RGS6: variants seen among roughly 807,000 people sequenced by gnomAD.
RGS6 encodes the protein regulator of G-protein signaling 6.
Under a neutral mutation model 78.5 loss-of-function variants are expected in RGS6, and 30 were observed. The observed-to-expected ratio is 0.38, with a 90% CI of 0.29 to 0.52. RGS6 has a LOEUF of 0.52. Among genes scored for constraint, RGS6 ranks in the 20% least tolerant of loss-of-function variants. The probability of loss-of-function intolerance (pLI) is 0.85; values close to 1 mark genes in which losing one functional copy is unlikely to be tolerated. For synonymous variants in RGS6, 206 were observed against 206.0 expected (o/e 1.00, Z 0.00); for missense variants, 495 against 609.7 (o/e 0.81, Z 1.98).
chr14:72,572,788 A>T, the RGS6 span, among the ~76,000 whole-genome samples: 1 of 152,214 alleles, frequency 6.6e-6, no homozygotes, highest in Non-Finnish European at 1.5e-5. Context: ...TACATACTTT[A>T]AACAAATAAA....
At chr14:72,233,083 C>T (rs966627666) in intron 2 of RGS6, among the ~76,000 whole-genome samples, 1 of 152,260 alleles carries the variant, frequency 6.6e-6, no homozygotes, top group Admixed American at 6.5e-5. Flanking sequence ...TGAATGTATA[C>T]CAGGTGTAAC....
intron 2 of RGS6, among the ~76,000 whole-genome samples, chr14:72,341,078 C>T (rs969098588): frequency 6.6e-6 from 1 of 152,096 alleles, no homozygotes; most frequent in African/African-American, 2.4e-5. Flanking sequence ...CATTCTCACA[C>T]TACTATAAAG....
chr14:72,150,347 C>A (rs1329240230), intron 2 of RGS6, among the ~76,000 whole-genome samples: 1 of 152,050 alleles, frequency 6.6e-6, no homozygotes, highest in Admixed American at 6.6e-5. Context: ...CCTGTCAACA[C>A]CTTGATTCCA....
intron 2 of RGS6, among the ~76,000 whole-genome samples, chr14:72,345,696 G>A (rs1047743537): frequency 6.6e-6 from 1 of 152,156 alleles, no homozygotes; most frequent in Non-Finnish European, 1.5e-5. Flanking sequence ...AGTCCATGAG[G>A]AAGGAGAACA....
chr14:72,304,350 A>G (rs860195), intron 2 of RGS6, among the ~76,000 whole-genome samples: 91,952 of 152,086 alleles, frequency 0.6, 28,432 homozygotes, highest in African/African-American at 0.73. Context: ...CCATATTACC[A>G]CATAGAGCAA....
In RGS6 at chr14:72,398,574, C is replaced by T. The variant is rs566852553; in HGVS notation, c.184+46380C>T. Among the ~76,000 whole-genome samples the T allele has an allele frequency of 7.8e-4, 118 of 152,074 alleles. 1 individual carries two copies. The highest frequency in any genetic ancestry group is 2.5e-3 in the African/African-American group (105 of 41,494). On this transcript the variant is annotated intron_variant, in intron 3 of 17. Coordinates refer to ENST00000553525, the MANE Select transcript of RGS6 (RefSeq NM_001204424.2). ...CCTTCAGTTCTGTTCTGATCTTAGT[C>T]ATTTCTTGCCTTCTGCTAGCTTTTG...
At chr14:72,414,447 A>G (rs1457599207) in intron 3 of RGS6, among the ~76,000 whole-genome samples, 1 of 152,020 alleles carries the variant, frequency 6.6e-6, no homozygotes, top group African/African-American at 2.4e-5. Context: ...TGCATTGGTT[A>G]TTCTAGTTAG....
chr14:72,239,330 A>C (rs987908824), intron 2 of RGS6, among the ~76,000 whole-genome samples: 18 of 152,200 alleles, frequency 1.2e-4, no homozygotes, highest in African/African-American at 4.3e-4. Context: ...TGGAAGTCAT[A>C]CTTTGCCATT....
At chr14:72,183,114 G>A (rs2097195764) in intron 2 of RGS6, among the ~76,000 whole-genome samples, 1 of 152,168 alleles carries the variant, frequency 6.6e-6, no homozygotes, top group Non-Finnish European at 1.5e-5. Flanking sequence ...TTAATTGCAG[G>A]TTTAAAAGCC....
At chr14:71,890,194 G>A in the RGS6 span, among the ~76,000 whole-genome samples, 4 of 152,142 alleles carry the variant, frequency 2.6e-5, no homozygotes, top group Non-Finnish European at 5.9e-5. Context: ...TCTGCCTTGA[G>A]CAGATCAAAG....
chr14:72,510,738 CA>C (rs2096868418), intron 14 of RGS6, among the ~76,000 whole-genome samples: 1 of 152,190 alleles, frequency 6.6e-6, no homozygotes, highest in Non-Finnish European at 1.5e-5. Flanking sequence ...AAGTAAATAT[CA>C]CTCAGTAACT....
intron 12 of RGS6, among the ~76,000 whole-genome samples, chr14:72,479,968 T>G (rs1419692851): frequency 3.3e-5 from 5 of 152,224 alleles, no homozygotes; most frequent in Non-Finnish European, 7.3e-5. Context: ...GTTTGCAATT[T>G]AGAAAGAGCG....
chr14:72,547,988 C>G (rs139526231), intron 17 of RGS6, among the ~76,000 whole-genome samples: 2 of 152,316 alleles, frequency 1.3e-5, no homozygotes, highest in East Asian at 3.9e-4. Flanking sequence ...AAAGCAATGC[C>G]CATTCCTGCC....
At chr14:72,490,853 G>A (rs2096568941) in intron 12 of RGS6, among the ~76,000 whole-genome samples, 1 of 152,194 alleles carries the variant, frequency 6.6e-6, no homozygotes. Context: ...GAATGTTTCA[G>A]AAAATTGAGG....
At chr14:72,538,420 T>C (rs1039008672) in intron 16 of RGS6, among the ~76,000 whole-genome samples, 1 of 152,226 alleles carries the variant, frequency 6.6e-6, no homozygotes, top group Admixed American at 6.5e-5. Context: ...AAGAATCAGG[T>C]TCTCAGGGGG....
intron 2 of RGS6, among the ~76,000 whole-genome samples, chr14:72,327,806 T>C (rs1380389141): frequency 6.6e-6 from 1 of 152,208 alleles, no homozygotes; most frequent in Non-Finnish European, 1.5e-5. Context: ...ACAGTATCAC[T>C]TGTGAAATGG....
At chr14:72,499,719 C>T (rs1566990428) in intron 13 of RGS6, among the ~76,000 whole-genome samples, 2 of 151,954 alleles carry the variant, frequency 1.3e-5, no homozygotes, top group Non-Finnish European at 2.9e-5. Context: ...TTGCCTGTTC[C>T]CTCCTCGTTG....
At chr14:72,589,999 C>T in the RGS6 span, among the ~76,000 whole-genome samples, 1 of 152,116 alleles carries the variant, frequency 6.6e-6, no homozygotes, top group Admixed American at 6.6e-5. Context: ...ACAGGCACTT[C>T]TAAAAAGAAG....
chr14:72,573,731 G>T, the RGS6 span, among the ~76,000 whole-genome samples: 15 of 152,134 alleles, frequency 9.9e-5, no homozygotes, highest in African/African-American at 3.4e-4. Context: ...AACCCCTTCT[G>T]CTGGCTTTCT....
Sources: gnomAD v4.1 joint callset for allele counts (sites outside exome capture counted in the v4.1 genomes callset) on GRCh38, gnomAD v4.1.1 for gene constraint, MANE v1.5 for transcripts, NCBI Gene and HGNC (gene_info 2026-07-23, HGNC 2026-07-21) for gene names.